The following PLOD2 variants were observed in gnomAD, a reference collection of about 807,000 sequenced individuals.
The protein encoded by PLOD2 is procollagen-lysine,2-oxoglutarate 5-dioxygenase 2.
PLOD2 carries 65 observed loss-of-function variants against 101.0 expected under a neutral mutation model. That is an observed-to-expected ratio of 0.64 (90% CI 0.53 to 0.79). The LOEUF (loss-of-function observed/expected upper bound fraction) is 0.79. Ranked by LOEUF, PLOD2 falls within the 30% of genes least tolerant of loss-of-function variation. PLOD2 has a pLI of 0.00. For missense variants in PLOD2, 909 were observed against 914.6 expected (o/e 0.99, Z 0.08); for synonymous variants, 314 against 302.9 (o/e 1.04, Z -0.38).
At chr3:146,095,264 C>G (rs897459996) in intron 7 of PLOD2, among the ~76,000 whole-genome samples, 2 of 151,248 alleles carry the variant, frequency 1.3e-5, no homozygotes, top group Admixed American at 1.3e-4. Flanking sequence ...AAGAAACCAT[C>G]ATCAGAGTGA....
intron 8 of PLOD2, among the ~76,000 whole-genome samples, chr3:146,090,382 C>T (rs1316559842): frequency 6.6e-6 from 1 of 151,340 alleles, no homozygotes; most frequent in Non-Finnish European, 1.5e-5. Flanking sequence ...TAAGACAAAA[C>T]AGCTTAAGTA....
chr3:146,142,133 A>T (rs1010465906), intron 1 of PLOD2, among the ~76,000 whole-genome samples: 1 of 152,144 alleles, frequency 6.6e-6, no homozygotes, highest in Non-Finnish European at 1.5e-5. Context: ...CAAAAAGATG[A>T]GAAAAGTATT....
At position 146,104,265 on chromosome 3, in the gene PLOD2, T is replaced by C. The variant is rs1241130568; in HGVS notation, c.679+14A>G. ...GTTTGTATACGTAAGCAATCCGGTA[T>C]TTAGGAAGCATACCTACAGCTCCAT... On this transcript the variant is annotated intron_variant, in intron 6 of 19. Transcript: ENST00000282903. 3 of 1,528,212 alleles carry C rather than the reference T, an allele frequency of 2.0e-6. No individual in the cohort carries two copies. Among genetic ancestry groups the C allele is most frequent in the Non-Finnish European group, 2.7e-6 (3 of 1,101,724 alleles). 94.7% of individuals were successfully genotyped at this position (1,528,212 alleles called of 1,614,324 possible). A position where few individuals can be genotyped will look rare whatever the true frequency, so the allele number is the denominator to read the frequency against.
At chr3:146,127,202 T>C (rs2030617326) in intron 1 of PLOD2, among the ~76,000 whole-genome samples, 1 of 152,212 alleles carries the variant, frequency 6.6e-6, no homozygotes, top group East Asian at 1.9e-4. Flanking sequence ...ATTCAGAGGA[T>C]ACAGGAGCGT....
Position 146,076,906 on chromosome 3 carries a change from G to A in PLOD2, c.1564-11C>T. 3 of 1,481,116 alleles carry A rather than the reference G, an allele frequency of 2.0e-6. No individual in the cohort carries two copies. The highest frequency in any genetic ancestry group is 2.8e-6 in the Non-Finnish European group (3 of 1,061,648). 91.7% of individuals were successfully genotyped at this position (1,481,116 alleles called of 1,614,324 possible). A position where few individuals can be genotyped will look rare whatever the true frequency, so the allele number is the denominator to read the frequency against. ...GTACATAAATACACCCTATATGCCA[G>A]AAAATAACAGTATTAATCTTAGAGG... On this transcript the variant is annotated splice_polypyrimidine_tract_variant and intron_variant, in intron 14 of 19. Transcript: ENST00000282903.
chr3:146,122,206 C>T (rs180740843), intron 2 of PLOD2, among the ~76,000 whole-genome samples: 1 of 152,348 alleles, frequency 6.6e-6, no homozygotes, highest in African/African-American at 2.4e-5. Flanking sequence ...TAACTTATCA[C>T]TTCCTATGTG....
chr3:146,089,086 C>T (rs1374502199), intron 8 of PLOD2, among the ~76,000 whole-genome samples: 1 of 151,564 alleles, frequency 6.6e-6, no homozygotes, highest in African/African-American at 2.4e-5. Context: ...AAACCAAATA[C>T]TAATTGTGTT....
chr3:146,076,900 A>G lies in PLOD2; in HGVS notation c.1564-5T>C, dbSNP rs1205537751. The G allele has an allele frequency of 2.0e-6, 3 of 1,497,520 alleles. No homozygotes were observed. The African/African-American group carries it at 4.1e-5, about 21-fold the overall frequency. The allele number at this position is 1,497,520 out of a possible 1,614,324, so 92.8% of individuals were successfully genotyped here. A position where few individuals can be genotyped will look rare whatever the true frequency, so the allele number is the denominator to read the frequency against. On this transcript the variant is annotated splice_region_variant and splice_polypyrimidine_tract_variant and intron_variant, in intron 14 of 19. Coordinates refer to ENST00000282903, the MANE Select transcript of PLOD2 (RefSeq NM_182943.3). ...AGAAATGTACATAAATACACCCTAT[A>G]TGCCAGAAAATAACAGTATTAATCT...
chr3:146,107,945 C>G (rs1269010584), intron 4 of PLOD2, among the ~76,000 whole-genome samples: 1 of 151,562 alleles, frequency 6.6e-6, no homozygotes, highest in Admixed American at 6.6e-5. Context: ...TGCCTGGCAT[C>G]AAATAAAAAA....
intron 7 of PLOD2, among the ~76,000 whole-genome samples, chr3:146,099,841 CATCTATTAAATTTGCCTAGGGA>C (rs944382187): frequency 2.7e-4 from 40 of 150,158 alleles, no homozygotes; most frequent in African/African-American, 9.3e-4. Context: ...TAAAGGGATT[CATCTATTAAATTTGCCTAGGGA>C]AAGTTACAGT....
intron 4 of PLOD2, among the ~76,000 whole-genome samples, chr3:146,108,295 C>G (rs1003928406): frequency 6.6e-6 from 1 of 152,028 alleles, no homozygotes; most frequent in Admixed American, 6.6e-5. Context: ...ATCTCCTCAC[C>G]TCAGTCTCCA....
chr3:146,151,582 G>A (rs1304146994), intron 1 of PLOD2, among the ~76,000 whole-genome samples: 2 of 152,122 alleles, frequency 1.3e-5, no homozygotes, highest in Non-Finnish European at 2.9e-5. Context: ...CTCAAGAATC[G>A]GCTCAAGGTT....
At chr3:146,146,369 G>A (rs1250905267) in intron 1 of PLOD2, among the ~76,000 whole-genome samples, 1 of 152,144 alleles carries the variant, frequency 6.6e-6, no homozygotes, top group African/African-American at 2.4e-5. Context: ...ATGTATTCCT[G>A]TGAGATTTGA....
intron 1 of PLOD2, among the ~76,000 whole-genome samples, chr3:146,148,857 G>C (rs565070288): frequency 6.6e-6 from 1 of 152,180 alleles, no homozygotes; most frequent in Non-Finnish European, 1.5e-5. Context: ...TGTATATGTT[G>C]CAAGAGGGTC....
chr3:146,107,239 T>A (rs1232228306), intron 4 of PLOD2, among the ~76,000 whole-genome samples: 2 of 152,222 alleles, frequency 1.3e-5, no homozygotes, highest in Non-Finnish European at 2.9e-5. Flanking sequence ...TCTGGCTAGG[T>A]TTTTTGTGTC....
At chr3:146,075,487 T>A (rs1323025491) in intron 15 of PLOD2, among the ~76,000 whole-genome samples, 14 of 93,648 alleles carry the variant, frequency 1.5e-4, no homozygotes, top group South Asian at 4.2e-4. Context: ...CTCAAATCTG[T>A]AAAAAAAAAA....
chr3:146,115,966 A>G (rs965682395), intron 3 of PLOD2, among the ~76,000 whole-genome samples: 5 of 152,182 alleles, frequency 3.3e-5, no homozygotes, highest in African/African-American at 1.2e-4. Context: ...GAGTCTCAAC[A>G]AGAAGCAAAA....
chr3:146,075,750 T>G (rs1402431380), intron 15 of PLOD2, among the ~76,000 whole-genome samples: 2 of 151,658 alleles, frequency 1.3e-5, no homozygotes, highest in Admixed American at 6.6e-5. Flanking sequence ...TGATTAAAAC[T>G]GGATGGTGCT....
At chr3:146,089,583 T>C (rs1430472756) in intron 8 of PLOD2, among the ~76,000 whole-genome samples, 1 of 151,614 alleles carries the variant, frequency 6.6e-6, no homozygotes, top group African/African-American at 2.4e-5. Flanking sequence ...ATACATTAAG[T>C]GCTGAATTAG....
Sources: gnomAD v4.1 joint callset for allele counts (sites outside exome capture counted in the v4.1 genomes callset) on GRCh38, gnomAD v4.1.1 for gene constraint, MANE v1.5 for transcripts, NCBI Gene and HGNC (gene_info 2026-07-23, HGNC 2026-07-21) for gene names.